NFKBID: variants seen among roughly 807,000 people sequenced by gnomAD.
NFKBID encodes NF-kappa-B inhibitor delta.
NFKBID carries 26 observed loss-of-function variants against 53.4 expected under a neutral mutation model. The observed-to-expected ratio is 0.49, with a 90% CI of 0.36 to 0.68. NFKBID has a LOEUF of 0.68. Ranked by LOEUF, NFKBID falls within the 30% of genes least tolerant of loss-of-function variation. The pLI, the probability that NFKBID is intolerant of heterozygous loss-of-function variation, is 0.00. For synonymous variants in NFKBID, 262 were observed against 259.8 expected, an observed-to-expected ratio of 1.01 and a Z score of -0.08; for missense variants, 493 against 614.1, an observed-to-expected ratio of 0.80 and a Z score of 2.08.
intron 9 of NFKBID, among the ~76,000 whole-genome samples, chr19:35,890,928 T>C (rs1415480008): frequency 1.3e-5 from 2 of 152,280 alleles, no homozygotes; most frequent in Admixed American, 1.3e-4. Flanking sequence ...GAGTGCCTTA[T>C]TCAGTTGTAT....
chr19:35,890,172 TC>T, intron 10 of NFKBID, 118 bp from the exon 11 acceptor site: 3 of 1,116,858 alleles, frequency 2.7e-6, no homozygotes, highest in Non-Finnish European at 3.8e-6. Context: ...ATCCCAGACC[TC>T]CCCCGGCCAC....
chr19:35,901,874 A>G, upstream of NFKBID: 1 of 390,360 alleles, frequency 2.6e-6, no homozygotes, highest in South Asian at 2.6e-5. Flanking sequence ...CCCTGCTTTC[A>G]AGATGCCATG....
intron 11 of NFKBID, 130 bp downstream of exon 11, chr19:35,889,760 C>A: frequency 1.1e-6 from 1 of 947,406 alleles, no homozygotes; most frequent in Non-Finnish European, 1.6e-6. Context: ...GTCAGGGTTG[C>A]CTGAGGGCTG....
intron 10 of NFKBID, 76 bp from the exon 11 acceptor site, chr19:35,890,130 G>T: frequency 2.1e-6 from 3 of 1,426,326 alleles, no homozygotes; most frequent in East Asian, 2.4e-5. Flanking sequence ...TTCAATTTCT[G>T]CCTTGTCTAC....
At chr19:35,897,839 C>G (rs1006393759) in exon 4 of NFKBID, 1 of 1,555,574 alleles carries the variant, frequency 6.4e-7, no homozygotes, top group Non-Finnish European at 8.6e-7. Flanking sequence ...TCCGAGTGTG[C>G]TGGGAAGGGA....
At chr19:35,899,265 G>T (rs546200365) in intron 1 of NFKBID, among the ~76,000 whole-genome samples, 3 of 151,974 alleles carry the variant, frequency 2.0e-5, no homozygotes, top group Non-Finnish European at 4.4e-5. Context: ...AGTCCCCAGC[G>T]CCCCTCCTCG....
At chr19:35,898,650 C>T (rs1975361152) in intron 2 of NFKBID, 69 bp downstream of exon 2, 4 of 1,454,082 alleles carry the variant, frequency 2.8e-6, no homozygotes, top group Non-Finnish European at 3.7e-6. Context: ...GCCCCGAGGG[C>T]CCGGCAAGCC....
At chr19:35,889,127 GA>G (rs1974574143) in intron 11 of NFKBID, among the ~76,000 whole-genome samples, 1 of 151,106 alleles carries the variant, frequency 6.6e-6, no homozygotes, top group South Asian at 2.1e-4. Flanking sequence ...AAGGCGGGAG[GA>G]TCAATTGAGG....
In NFKBID at chr19:35,899,022, T is replaced by G. The variant is rs576890483; in HGVS notation, c.62-200A>C. Among the ~76,000 whole-genome samples the G allele has an allele frequency of 1.2e-4, 18 of 152,276 alleles. 1 individual carries two copies. The East Asian group carries it at 3.1e-3, about 26-fold the overall frequency. On this transcript the variant is annotated intron_variant, in intron 1 of 11. Coordinates refer to ENST00000641389, the Ensembl canonical transcript of NFKBID. ...TCCGCCTCCGCCGTTTCCTTCCTTT[T>G]GCTCCGCACTTTCCCTCTGACCCAA...
chr19:35,892,113 A>T (rs536056507), intron 9 of NFKBID, among the ~76,000 whole-genome samples: 1 of 151,740 alleles, frequency 6.6e-6, no homozygotes, highest in East Asian at 2.0e-4. Flanking sequence ...TGTGGTGGCA[A>T]AATCATGGCT....
intron 9 of NFKBID, among the ~76,000 whole-genome samples, chr19:35,893,281 A>T (rs545682724): frequency 6.6e-6 from 1 of 152,300 alleles, no homozygotes; most frequent in East Asian, 1.9e-4. Flanking sequence ...CCAAAGTATC[A>T]ATTTCACCTT....
At chr19:35,900,848 TTG>T (rs1203047535), upstream of NFKBID, among the ~76,000 whole-genome samples, 2 of 140,636 alleles carry the variant, frequency 1.4e-5, no homozygotes, top group Admixed American at 7.0e-5. Context: ...TTTTTTTTTT[TTG>T]TTGTTGTTTT....
downstream of NFKBID, chr19:35,888,181 G>T (rs1210163044): frequency 1.0e-5 from 2 of 195,420 alleles, no homozygotes; most frequent in Non-Finnish European, 2.1e-5. Flanking sequence ...TTACTGAGAT[G>T]GTATCGGGAT....
intron 1 of NFKBID, among the ~76,000 whole-genome samples, chr19:35,899,270 T>C (rs1194492309): frequency 6.6e-6 from 1 of 151,926 alleles, no homozygotes; most frequent in Admixed American, 6.6e-5. Context: ...CCAGCGCCCC[T>C]CCTCGAGAAG....
chr19:35,900,749 T>C, upstream of NFKBID: 3 of 721,118 alleles, frequency 4.2e-6, no homozygotes, highest in Non-Finnish European at 5.7e-6. Flanking sequence ...TGAAGGAGCC[T>C]AGGGCACCGG....
At chr19:35,898,664 G>A in intron 2 of NFKBID, 55 bp downstream of exon 2, 2 of 1,478,976 alleles carry the variant, frequency 1.4e-6, no homozygotes, top group South Asian at 2.4e-5. Context: ...GCAAGCCGCT[G>A]AGTCCCTACG....
chr19:35,888,010 G>C (rs1278308875), downstream of NFKBID: 1 of 153,106 alleles, frequency 6.5e-6, no homozygotes, highest in East Asian at 1.9e-4. Flanking sequence ...GGGAGGGAGT[G>C]ACCGGGAATG....
intron 9 of NFKBID, among the ~76,000 whole-genome samples, chr19:35,893,807 G>A (rs1974948448): frequency 6.8e-6 from 1 of 147,988 alleles, no homozygotes; most frequent in African/African-American, 2.5e-5. Context: ...GTGACAGAGC[G>A]AGAGCCATCT....
At chr19:35,897,111 G>T in intron 4 of NFKBID, 53 bp from the exon 5 acceptor site, 3 of 1,564,692 alleles carry the variant, frequency 1.9e-6, no homozygotes, top group Non-Finnish European at 2.6e-6. Flanking sequence ...GTCCTGGAGG[G>T]TGCAGGTGGT....
Sources: gnomAD v4.1 joint callset for allele counts (sites outside exome capture counted in the v4.1 genomes callset) on GRCh38, gnomAD v4.1.1 for gene constraint, MANE v1.5 for transcripts, NCBI Gene and HGNC (gene_info 2026-07-23, HGNC 2026-07-21) for gene names.